Variants in SGCZ observed in about 807,000 individuals in gnomAD.
SGCZ encodes sarcoglycan zeta.
SGCZ carries 40 observed loss-of-function variants against 41.3 expected under a neutral mutation model. That is an observed-to-expected ratio of 0.97 (90% CI 0.75 to 1.26). The LOEUF is 1.26. Ranked by LOEUF, SGCZ falls within the 50% of genes most tolerant of loss-of-function variation. SGCZ has a pLI of 0.00. For synonymous variants in SGCZ, 206 were observed against 137.5 expected (o/e 1.50, Z -3.49); for missense variants, 552 against 369.8 (o/e 1.49, Z -4.04).
At chr8:15,039,969 C>T (rs1804027584) in intron 1 of SGCZ, among the ~76,000 whole-genome samples, 1 of 152,112 alleles carries the variant, frequency 6.6e-6, no homozygotes, top group Non-Finnish European at 1.5e-5. Flanking sequence ...ATAACTTATG[C>T]TTCATATATT....
chr8:15,147,300 C>A (rs572067101), intron 1 of SGCZ, among the ~76,000 whole-genome samples: 8 of 152,018 alleles, frequency 5.3e-5, no homozygotes, highest in African/African-American at 7.2e-5. Context: ...TTTTTTGAGA[C>A]GGGCTTTCAC....
chr8:14,600,425 C>T (rs1192680799), intron 1 of SGCZ, among the ~76,000 whole-genome samples: 1 of 152,150 alleles, frequency 6.6e-6, no homozygotes. Flanking sequence ...GGAATCTCCT[C>T]CTGCAGAGAT....
At position 14,195,543 on chromosome 8, in the gene SGCZ, A is replaced by T. The variant is rs566127686; in HGVS notation, c.425-30841T>A. On this transcript the variant is annotated intron_variant, in intron 4 of 7. Transcript: ENST00000382080. ...TTCTAAGTTTGATGAAAATCACAAAACCACATCTCAACAAATCCTCAGCAC... is the reference window on the plus strand; with the variant it reads ...TTCTAAGTTTGATGAAAATCACAAATCCACATCTCAACAAATCCTCAGCAC... 1.7e-4 allele frequency among the ~76,000 whole-genome samples: 26 copies of T among 152,288 alleles called. No individual in the cohort carries two copies. The South Asian group carries it at 4.3e-3, about 25-fold the overall frequency.
chr8:14,739,332 C>T (rs1159055495), intron 1 of SGCZ, among the ~76,000 whole-genome samples: 2 of 151,902 alleles, frequency 1.3e-5, no homozygotes, highest in African/African-American at 4.8e-5. Context: ...TTAAATAATT[C>T]ACTGCATTTA....
intron 1 of SGCZ, among the ~76,000 whole-genome samples, chr8:14,572,399 C>G (rs748280475): frequency 6.6e-6 from 1 of 152,096 alleles, no homozygotes; most frequent in Non-Finnish European, 1.5e-5. Context: ...GAATTAACAA[C>G]AATAATAATA....
At chr8:15,117,964 A>G (rs1807333853) in intron 1 of SGCZ, among the ~76,000 whole-genome samples, 1 of 152,214 alleles carries the variant, frequency 6.6e-6, no homozygotes, top group African/African-American at 2.4e-5. Context: ...ATCTGTTTAC[A>G]CCTAGTGTGC....
chr8:14,141,908 A>G (rs892297092), intron 5 of SGCZ, among the ~76,000 whole-genome samples: 1 of 152,242 alleles, frequency 6.6e-6, no homozygotes, highest in African/African-American at 2.4e-5. Flanking sequence ...CAAGACTTGG[A>G]ACCAACCAAA....
intron 2 of SGCZ, among the ~76,000 whole-genome samples, chr8:14,479,741 T>TTTTTC (rs1376247593): frequency 0.036 from 535 of 14,894 alleles, 32 homozygotes; most frequent in East Asian, 0.32. Flanking sequence ...CTTTTTTTTT[T>TTTTTC]TTTTTTTTTT....
At chr8:14,932,001 T>G (rs1284086537) in intron 1 of SGCZ, among the ~76,000 whole-genome samples, 2 of 151,982 alleles carry the variant, frequency 1.3e-5, no homozygotes, top group African/African-American at 4.8e-5. Flanking sequence ...ATTTCCATAA[T>G]TAAATATACA....
At chr8:14,675,930 A>G (rs1808263736) in intron 1 of SGCZ, among the ~76,000 whole-genome samples, 2 of 152,176 alleles carry the variant, frequency 1.3e-5, no homozygotes, top group Non-Finnish European at 2.9e-5. Flanking sequence ...GGTGGTGAGA[A>G]TTTTGACCAG....
At chr8:14,387,950 A>T (rs1174561683) in intron 2 of SGCZ, among the ~76,000 whole-genome samples, 1 of 152,166 alleles carries the variant, frequency 6.6e-6, no homozygotes. Flanking sequence ...GAAAGATGAA[A>T]GTGGCTTACC....
chr8:14,485,468 C>A (rs1370924250), intron 2 of SGCZ, among the ~76,000 whole-genome samples: 3 of 152,116 alleles, frequency 2.0e-5, no homozygotes, highest in Admixed American at 1.3e-4. Context: ...GATCTCCTAA[C>A]CTCGTCATCT....
At chr8:14,400,188 T>C (rs1468023941) in intron 2 of SGCZ, among the ~76,000 whole-genome samples, 1 of 128,186 alleles carries the variant, frequency 7.8e-6, no homozygotes, top group Non-Finnish European at 1.6e-5. Flanking sequence ...ATAGCGTGTA[T>C]TGATACTTCA....
At chr8:14,464,397 G>C (rs1800988348) in intron 2 of SGCZ, among the ~76,000 whole-genome samples, 1 of 150,712 alleles carries the variant, frequency 6.6e-6, no homozygotes, top group Admixed American at 6.6e-5. Flanking sequence ...GTTCACAGTT[G>C]CATGTAGGAC....
intron 1 of SGCZ, among the ~76,000 whole-genome samples, chr8:14,870,891 A>G (rs1804123206): frequency 6.6e-6 from 1 of 152,164 alleles, no homozygotes; most frequent in African/African-American, 2.4e-5. Flanking sequence ...ATCTCACGCC[A>G]GTCAGAATGG....
At chr8:14,244,167 CCTCCTCCTCTTCCTTCT>C (rs1798994276) in intron 3 of SGCZ, among the ~76,000 whole-genome samples, 3 of 150,584 alleles carry the variant, frequency 2.0e-5, no homozygotes, top group East Asian at 4.0e-4. Context: ...CTTCCTTCTT[CCTCCTCCTCTTCCTTCT>C]TCCTCCTCCT....
chr8:14,534,388 T>C (rs905695200), intron 2 of SGCZ, among the ~76,000 whole-genome samples: 4 of 152,062 alleles, frequency 2.6e-5, no homozygotes, highest in Middle Eastern at 3.2e-3. Flanking sequence ...AGTGACTATT[T>C]CTTCTTACTG....
At chr8:14,583,571 G>A (rs1052056356) in intron 1 of SGCZ, among the ~76,000 whole-genome samples, 1 of 152,058 alleles carries the variant, frequency 6.6e-6, no homozygotes, top group African/African-American at 2.4e-5. Context: ...TAGACATGAA[G>A]TCCTTGCCCA....
At chr8:15,119,252 G>A (rs984063239) in intron 1 of SGCZ, among the ~76,000 whole-genome samples, 10 of 151,992 alleles carry the variant, frequency 6.6e-5, no homozygotes, top group African/African-American at 1.7e-4. Flanking sequence ...TCCTCTTAGC[G>A]GGGTGCAGTG....
Sources: gnomAD v4.1 joint callset for allele counts (sites outside exome capture counted in the v4.1 genomes callset) on GRCh38, gnomAD v4.1.1 for gene constraint, MANE v1.5 for transcripts, NCBI Gene and HGNC (gene_info 2026-07-23, HGNC 2026-07-21) for gene names.